The following TRANK1 variants were observed in gnomAD, a reference collection of about 807,000 sequenced individuals.
The protein encoded by TRANK1 is TPR and ankyrin repeat-containing protein 1.
In TRANK1, 198 loss-of-function variants were observed where a neutral mutation model predicts 266.0. That is an observed-to-expected ratio of 0.74 (90% CI 0.66 to 0.84). The LOEUF (loss-of-function observed/expected upper bound fraction) is 0.84. Ranked by LOEUF, TRANK1 falls within the 40% of genes least tolerant of loss-of-function variation. The probability of loss-of-function intolerance (pLI) is 0.00; values close to 1 mark genes in which losing one functional copy is unlikely to be tolerated. For synonymous variants in TRANK1, 1,396 were observed against 1,384.1 expected (o/e 1.01, Z -0.19); for missense variants, 3,326 against 3,634.6 (o/e 0.92, Z 2.18).
rs530455142 is a variant in TRANK1, at chr3:36,885,590, A to G, written c.907+4239T>C. Among the ~76,000 whole-genome samples, 34 of 152,376 alleles carry G rather than the reference A, an allele frequency of 2.2e-4. No homozygotes were observed. In the South Asian group the frequency reaches 7.0e-3, roughly 32 times the overall value. On this transcript the variant is annotated intron_variant, in intron 8 of 23. Coordinates refer to ENST00000645898, the MANE Select transcript of TRANK1 (RefSeq NM_001329998.2). ...TCAGTCAACTGACTGGGCTGAATGC[A>G]GTAGCACGATCGTAGTTCACTGCAG...
chr3:36,884,417 T>C (rs984469011), intron 8 of TRANK1, among the ~76,000 whole-genome samples: 5 of 152,136 alleles, frequency 3.3e-5, no homozygotes, highest in African/African-American at 1.2e-4. Context: ...CACCTTGTGG[T>C]GTCTGAAAGT....
Position 36,864,303 on chromosome 3 carries a change from T to A in TRANK1, c.1240+16A>T, listed in dbSNP as rs967029016. On this transcript the variant is annotated intron_variant, in intron 10 of 23. Coordinates refer to ENST00000645898, the MANE Select transcript of TRANK1 (RefSeq NM_001329998.2). ...AAATCATTTTTAACATCATTGAACG[T>A]TGTGGAAAAAATTACCTTGCAGAGT... The A allele has an allele frequency of 1.0e-5, 15 of 1,491,994 alleles. No homozygotes were observed. The highest frequency in any genetic ancestry group is 5.0e-5 in the Admixed American group (2 of 40,050). 92.4% of individuals were successfully genotyped at this position (1,491,994 alleles called of 1,614,324 possible). A position where few individuals can be genotyped will look rare whatever the true frequency, so the allele number is the denominator to read the frequency against.
At chr3:36,849,959 TG>T in intron 15 of TRANK1, 1 of 933,482 alleles carries the variant, frequency 1.1e-6, no homozygotes, top group Non-Finnish European at 1.3e-6. Flanking sequence ...CCTGAGCCAT[TG>T]GTGGGAGCAC....
rs1214821307 is a variant in TRANK1, at chr3:36,924,863, CCGGA to C, written c.24-16413_24-16410del. Among the ~76,000 whole-genome samples the C allele has an allele frequency of 2.6e-5, 4 of 152,354 alleles. No homozygotes were observed. In the East Asian group the frequency reaches 7.7e-4, roughly 29 times the overall value. On this transcript the variant is annotated intron_variant, in intron 1 of 23. Transcript: ENST00000645898. ...TGCCCTGAGAGCCAAAGGAGCCCCC[CCGGA>C]CAGAATCCCAAACCCCAGTGGCCTT... is the stretch of plus-strand genomic sequence containing the variant.
intron 1 of TRANK1, among the ~76,000 whole-genome samples, chr3:36,914,439 C>G (rs1307593948): frequency 7.2e-6 from 1 of 138,278 alleles, no homozygotes; most frequent in Non-Finnish European, 1.5e-5. Context: ...CTGCACCCAG[C>G]TGGTGTCTTC....
At chr3:36,895,516 A>G (rs1468195128) in intron 5 of TRANK1, 124 bp downstream of exon 5, 1 of 562,530 alleles carries the variant, frequency 1.8e-6, no homozygotes, top group African/African-American at 1.9e-5. Context: ...ATGATATCCT[A>G]GTTAAAAATT....
intron 20 of TRANK1, among the ~76,000 whole-genome samples, chr3:36,836,648 T>A (rs764145870): frequency 6.6e-6 from 1 of 151,940 alleles, no homozygotes; most frequent in Non-Finnish European, 1.5e-5. Flanking sequence ...TTGGGCCCCA[T>A]ACCCACCAAT....
At chr3:36,895,557 A>G (rs1262947774) in intron 5 of TRANK1, 83 bp downstream of exon 5, 3 of 819,686 alleles carry the variant, frequency 3.7e-6, no homozygotes, top group African/African-American at 3.5e-5. Context: ...CAAATAATAA[A>G]TTACAATCCC....
intron 20 of TRANK1, among the ~76,000 whole-genome samples, chr3:36,835,260 A>C (rs2078753657): frequency 7.8e-6 from 1 of 129,026 alleles, no homozygotes; most frequent in Non-Finnish European, 1.6e-5. Context: ...CGGAGCTTGC[A>C]GTGAGCCGAG....
intron 8 of TRANK1, among the ~76,000 whole-genome samples, chr3:36,881,632 T>A (rs1002610109): frequency 6.6e-6 from 1 of 152,046 alleles, no homozygotes; most frequent in East Asian, 1.9e-4. Flanking sequence ...TAAATAAATA[T>A]AAACTATATA....
At chr3:36,902,587 T>C (rs7614265) in intron 3 of TRANK1, among the ~76,000 whole-genome samples, 6,654 of 152,320 alleles carry the variant, frequency 0.044, 204 homozygotes, top group African/African-American at 0.095. Flanking sequence ...ATGATGTTTA[T>C]TGACCTTTGT....
At position 36,833,425 on chromosome 3, in the gene TRANK1, A is replaced by T. The variant is rs371351778; in HGVS notation, c.6158T>A (p.Phe2053Tyr). Residue 2053 changes from phenylalanine to tyrosine, a missense_variant, in exon 22 of 24, where the codon TTT becomes TAT. Phe to Tyr is a conservative substitution (Grantham distance 22, BLOSUM62 3). Transcript: ENST00000645898. ...FQKLRDAFFK[F>Y]DTLNHSAGVV... The stretch of plus-strand genomic sequence containing the variant: ...TCCAGCTGAGTGGTTGAGCGTGTCA[A>T]ACTTGAAGAAGGCATCCCTGAGCTT... 4 of 1,613,774 alleles carry T rather than the reference A, an allele frequency of 2.5e-6. No individual in the cohort carries two copies. In the African/African-American group the frequency reaches 5.3e-5, roughly 22 times the overall value.
At chr3:36,868,363 G>T (rs987470336) in intron 9 of TRANK1, among the ~76,000 whole-genome samples, 1 of 152,090 alleles carries the variant, frequency 6.6e-6, no homozygotes. Context: ...TGTTAATAAT[G>T]TTAAGTGATG....
chr3:36,838,068 A>G (rs2078793462), intron 20 of TRANK1, among the ~76,000 whole-genome samples: 1 of 152,172 alleles, frequency 6.6e-6, no homozygotes, highest in South Asian at 2.1e-4. Flanking sequence ...GGGGTATTCT[A>G]AAACCCTTCT....
At position 36,843,956 on chromosome 3, in the gene TRANK1, T is replaced by A. The variant is rs1305849540; in HGVS notation, c.5192-1246A>T. 4.6e-5 allele frequency among the ~76,000 whole-genome samples: 7 copies of A among 152,096 alleles called. No homozygotes were observed. The East Asian group carries it at 1.4e-3, about 29-fold the overall frequency. On this transcript the variant is annotated intron_variant, in intron 17 of 23. Coordinates refer to ENST00000645898, the MANE Select transcript of TRANK1 (RefSeq NM_001329998.2). ...CCACGGCAAAACCCCATCCATATTATCTCAAAATAGGGCCAGTGAACTCTG... is the reference window on the plus strand; with the variant it reads ...CCACGGCAAAACCCCATCCATATTAACTCAAAATAGGGCCAGTGAACTCTG...
intron 1 of TRANK1, among the ~76,000 whole-genome samples, chr3:36,933,968 T>C (rs1161492667): frequency 4.6e-5 from 7 of 152,194 alleles, no homozygotes; most frequent in African/African-American, 1.7e-4. Context: ...TCCACTGTGA[T>C]TGTTCCTTTA....
chr3:36,849,100 G>A (rs1036498046), intron 15 of TRANK1, among the ~76,000 whole-genome samples: 5 of 152,110 alleles, frequency 3.3e-5, no homozygotes, highest in Non-Finnish European at 5.9e-5. Flanking sequence ...TTCTTTTCTT[G>A]GTACTATCAA....
chr3:36,851,631 T>C, intron 15 of TRANK1, 88 bp downstream of exon 15: 5 of 1,462,474 alleles, frequency 3.4e-6, no homozygotes, highest in Non-Finnish European at 4.6e-6. Flanking sequence ...TAAACTCTCT[T>C]ACCCTCAACT....
At chr3:36,910,650 G>C (rs919945926) in intron 1 of TRANK1, among the ~76,000 whole-genome samples, 1 of 152,160 alleles carries the variant, frequency 6.6e-6, no homozygotes, top group Admixed American at 6.5e-5. Context: ...TGAGGCAGGA[G>C]AATCGCTTGA....
Sources: allele counts gnomAD v4.1 joint callset (sites outside exome capture counted in the v4.1 genomes callset), GRCh38; gene constraint gnomAD v4.1.1; transcripts MANE v1.5; gene names NCBI Gene and HGNC (gene_info 2026-07-23, HGNC 2026-07-21).